MCU: variants seen among roughly 807,000 people sequenced by gnomAD.
The protein encoded by MCU is mitochondrial calcium uniporter.
MCU carries 12 observed loss-of-function variants against 45.2 expected under a neutral mutation model. The ratio of observed to expected loss-of-function variants is 0.27; its 90% CI spans 0.17 to 0.43. The LOEUF is 0.43. Ranked by LOEUF, MCU falls within the 20% of genes least tolerant of loss-of-function variation. The pLI, the probability that MCU is intolerant of heterozygous loss-of-function variation, is 1.00. For missense variants in MCU, 324 were observed against 436.7 expected, an observed-to-expected ratio of 0.74 and a Z score of 2.30; for synonymous variants, 160 against 165.1, an observed-to-expected ratio of 0.97 and a Z score of 0.24.
intron 1 of MCU, among the ~76,000 whole-genome samples, chr10:72,832,177 C>A (rs930846164): frequency 6.6e-6 from 1 of 152,146 alleles, no homozygotes; most frequent in Non-Finnish European, 1.5e-5. Flanking sequence ...TCAAGCAGTC[C>A]TCTCACTCAG....
chr10:72,832,932 C>CTGTGTGTGTGTGTGTGTGTGTGTGTGTG (rs1399130294), intron 1 of MCU, among the ~76,000 whole-genome samples: 878 of 57,194 alleles, frequency 0.015, 13 homozygotes, highest in African/African-American at 0.029. Flanking sequence ...AAACCAATAG[C>CTGTGTGTGTGTGTGTGTGTGTGTGTGTG]TATGTGTGTG....
intron 6 of MCU, among the ~76,000 whole-genome samples, chr10:72,879,873 C>T (rs1845674305): frequency 6.6e-6 from 1 of 152,080 alleles, no homozygotes; most frequent in Non-Finnish European, 1.5e-5. Context: ...TGGCAAAACC[C>T]TGTCTTTATT....
chr10:72,774,217 T>C (rs1260400716), intron 1 of MCU, among the ~76,000 whole-genome samples: 1 of 152,152 alleles, frequency 6.6e-6, no homozygotes, highest in African/African-American at 2.4e-5. Context: ...AAGAGATAGG[T>C]AATGTAGGTA....
intron 2 of MCU, among the ~76,000 whole-genome samples, chr10:72,847,688 AC>A (rs1845143662): frequency 6.6e-6 from 1 of 152,166 alleles, no homozygotes; most frequent in South Asian, 2.1e-4. Flanking sequence ...AGGGGCATAA[AC>A]TAATCTTTTA....
At chr10:72,786,946 C>G (rs970180309) in intron 1 of MCU, among the ~76,000 whole-genome samples, 1 of 152,102 alleles carries the variant, frequency 6.6e-6, no homozygotes, top group African/African-American at 2.4e-5. Context: ...CTTATGAATC[C>G]TTACATCCCC....
intron 1 of MCU, among the ~76,000 whole-genome samples, chr10:72,748,206 C>T (rs2132705955): frequency 6.6e-6 from 1 of 152,156 alleles, no homozygotes; most frequent in South Asian, 2.1e-4. Context: ...CGCCACCACG[C>T]CCAGCTAATT....
intron 1 of MCU, among the ~76,000 whole-genome samples, chr10:72,809,452 A>G (rs1459021139): frequency 6.6e-6 from 1 of 152,226 alleles, no homozygotes; most frequent in Non-Finnish European, 1.5e-5. Flanking sequence ...ATTGGCTGGG[A>G]GTACAAAGTG....
intron 1 of MCU, among the ~76,000 whole-genome samples, chr10:72,817,845 A>G (rs1844649790): frequency 6.6e-6 from 1 of 152,250 alleles, no homozygotes; most frequent in South Asian, 2.1e-4. Flanking sequence ...AATGGAGTTC[A>G]GTGACCCAGG....
intron 1 of MCU, among the ~76,000 whole-genome samples, chr10:72,734,277 C>T (rs1843220997): frequency 6.6e-6 from 1 of 152,130 alleles, no homozygotes; most frequent in Non-Finnish European, 1.5e-5. Context: ...CCTTGCTTTA[C>T]TCAGATCTAA....
chr10:72,815,131 A>G (rs910850852), intron 1 of MCU, among the ~76,000 whole-genome samples: 1 of 152,260 alleles, frequency 6.6e-6, no homozygotes, highest in African/African-American at 2.4e-5. Context: ...TAAAGGGCCA[A>G]AAGTAAATAC....
In MCU at chr10:72,722,453, A is replaced by C. The variant is rs1843036380; in HGVS notation, c.150+30152A>C. On this transcript the variant is annotated intron_variant, in intron 1 of 7. Transcript: ENST00000373053. ...TTTAACCTCCCGCTTGACTTAGTCT[A>C]GGCATAGCTAATATTACAGTGAGGT... is the stretch of plus-strand genomic sequence containing the variant. Among the ~76,000 whole-genome samples the C allele has an allele frequency of 2.0e-5, 3 of 150,582 alleles. No individual in the cohort carries two copies. The South Asian group carries it at 6.3e-4, about 32-fold the overall frequency.
intron 1 of MCU, among the ~76,000 whole-genome samples, chr10:72,707,155 A>G (rs1224297365): frequency 6.6e-6 from 1 of 151,736 alleles, no homozygotes; most frequent in Non-Finnish European, 1.5e-5. Flanking sequence ...CTCTACCAGA[A>G]GAGAGATTAT....
intron 1 of MCU, among the ~76,000 whole-genome samples, chr10:72,785,277 G>C (rs1033224122): frequency 6.6e-6 from 1 of 152,138 alleles, no homozygotes; most frequent in Non-Finnish European, 1.5e-5. Context: ...CTACAACTTT[G>C]TTTCTCCTTT....
intron 1 of MCU, among the ~76,000 whole-genome samples, chr10:72,701,068 A>G (rs931809890): frequency 6.6e-6 from 1 of 152,298 alleles, no homozygotes; most frequent in South Asian, 2.1e-4. Flanking sequence ...CTTTTCTATG[A>G]TAAGTAATGT....
intron 4 of MCU, among the ~76,000 whole-genome samples, chr10:72,867,854 C>CAAAAAA: frequency 1.6e-5 from 1 of 62,874 alleles, no homozygotes; most frequent in African/African-American, 5.4e-5. Context: ...GACTTTGTCT[C>CAAAAAA]AAAAAAAAAA....
rs1390675811 is a variant in MCU at position 72,725,328 on chromosome 10, G to A, written c.150+33027G>A. Among the ~76,000 whole-genome samples the A allele has an allele frequency of 1.3e-4, 20 of 152,008 alleles. No individual in the cohort carries two copies. The East Asian group carries it at 2.1e-3, about 16-fold the overall frequency. The stretch of plus-strand genomic sequence containing the variant: ...TTTTTAGTAGAGACGGGGTTTCACC[G>A]CGTTAGCCAGGATAGCCTCGATCTC... On this transcript the variant is annotated intron_variant, in intron 1 of 7. Transcript: ENST00000373053.
chr10:72,864,580 A>T (rs1481529912), intron 4 of MCU, among the ~76,000 whole-genome samples: 2 of 152,240 alleles, frequency 1.3e-5, no homozygotes, highest in African/African-American at 2.4e-5. Context: ...CTGTAAGAAT[A>T]CAGTATATAA....
intron 1 of MCU, among the ~76,000 whole-genome samples, chr10:72,699,884 G>A (rs1055446828): frequency 6.6e-6 from 1 of 151,932 alleles, no homozygotes; most frequent in Non-Finnish European, 1.5e-5. Flanking sequence ...GAGCCACTGC[G>A]CCCGGCCGAA....
At chr10:72,729,310 C>CA (rs559656773) in intron 1 of MCU, among the ~76,000 whole-genome samples, 258 of 151,218 alleles carry the variant, frequency 1.7e-3, no homozygotes, top group African/African-American at 5.5e-3. Context: ...ACTAAAAATA[C>CA]AAAAAAAAAT....
Sources: gnomAD v4.1 joint callset for allele counts (sites outside exome capture counted in the v4.1 genomes callset) on GRCh38, gnomAD v4.1.1 for gene constraint, MANE v1.5 for transcripts, NCBI Gene and HGNC (gene_info 2026-07-23, HGNC 2026-07-21) for gene names.